Variants in SNX8 observed in about 807,000 individuals in gnomAD.
SNX8 encodes sorting nexin 8.
A neutral mutation model predicts 51.6 loss-of-function variants in SNX8; 25 were observed. The ratio of observed to expected loss-of-function variants is 0.48; its 90% CI spans 0.35 to 0.68. The LOEUF (loss-of-function observed/expected upper bound fraction) is 0.68. SNX8 is among the 30% of genes least tolerant of loss of function. The pLI, the probability that SNX8 is intolerant of heterozygous loss-of-function variation, is 0.00. For synonymous variants in SNX8, 324 were observed against 277.0 expected (o/e 1.17, Z -1.68); for missense variants, 695 against 624.0 (o/e 1.11, Z -1.21).
rs180940814 is a variant in SNX8, at chr7:2,264,079, T to G, written c.782+219A>C. Reference sequence around the variant, plus strand: ...CTACCAGACTAGAAACTGGTGAGCATTTACTCGTGCTCAGAAATCCGTGTT... The same window carrying G: ...CTACCAGACTAGAAACTGGTGAGCAGTTACTCGTGCTCAGAAATCCGTGTT... On this transcript the variant is annotated intron_variant, in intron 6 of 10. Transcript: ENST00000222990. 2.2e-3 allele frequency among the ~76,000 whole-genome samples: 330 copies of G among 152,184 alleles called. 3 individuals carry two copies. The highest frequency in any genetic ancestry group is 7.2e-3 in the African/African-American group (298 of 41,534).
chr7:2,255,282 C>T (rs994020142), intron 10 of SNX8, 113 bp from the exon 11 acceptor site: 3 of 668,576 alleles, frequency 4.5e-6, no homozygotes, highest in African/African-American at 3.6e-5. Flanking sequence ...CCCTCAGGTG[C>T]GCCAGCTCCT....
intron 1 of SNX8, among the ~76,000 whole-genome samples, chr7:2,309,607 T>C (rs1010494151): frequency 6.6e-6 from 1 of 152,094 alleles, no homozygotes; most frequent in Non-Finnish European, 1.5e-5. Flanking sequence ...GACGCATGCC[T>C]GTAATCCCAG....
chr7:2,332,770 G>A (rs186977088), intron 1 of SNX8, among the ~76,000 whole-genome samples: 3 of 144,176 alleles, frequency 2.1e-5, no homozygotes, highest in African/African-American at 7.7e-5. Flanking sequence ...AAGGAAGGAA[G>A]GAGGGAAGGA....
chr7:2,325,114 G>A (rs931497628), intron 1 of SNX8, among the ~76,000 whole-genome samples: 3 of 152,192 alleles, frequency 2.0e-5, no homozygotes, highest in African/African-American at 7.2e-5. Context: ...TTACAGGCAT[G>A]AGCCACCATG....
At chr7:2,264,735 T>A (rs1043899780) in intron 5 of SNX8, among the ~76,000 whole-genome samples, 9 of 152,054 alleles carry the variant, frequency 5.9e-5, no homozygotes, top group Non-Finnish European at 1.3e-4. Flanking sequence ...GGAGGACCTA[T>A]CCAAAAACAC....
At chr7:2,327,325 C>T (rs1778639862) in intron 1 of SNX8, among the ~76,000 whole-genome samples, 1 of 152,026 alleles carries the variant, frequency 6.6e-6, no homozygotes, top group South Asian at 2.1e-4. Context: ...CTGCAAGCTC[C>T]GCATCCTGGG....
rs995911495 is a variant in SNX8, at chr7:2,252,008, C to G, written c.*3048G>C. ...CCTAAACCTGTCTCCCCTGCCTGCA[C>G]TGTGTCCGGCAGACAAAGGGCAGCT... On this transcript the variant is annotated 3_prime_UTR_variant, in exon 11 of 11. Coordinates refer to ENST00000222990, the MANE Select transcript of SNX8 (RefSeq NM_013321.4). 4.6e-5 allele frequency: 7 copies of G among 152,268 alleles called. No individual in the cohort carries two copies. In the East Asian group the frequency reaches 1.4e-3, roughly 29 times the overall value. The allele number at this position is 152,268 out of a possible 1,614,324, so 9.4% of individuals were successfully genotyped here. A position where few individuals can be genotyped will look rare whatever the true frequency, so the allele number is the denominator to read the frequency against.
At chr7:2,275,059 C>G in intron 3 of SNX8, 53 bp downstream of exon 3, 2 of 1,241,598 alleles carry the variant, frequency 1.6e-6, no homozygotes, top group South Asian at 2.4e-5. Context: ...CCACAGGGTC[C>G]AGGAGATGGG....
chr7:2,273,276 CCT>C (rs1027925526), intron 3 of SNX8, among the ~76,000 whole-genome samples: 3 of 151,700 alleles, frequency 2.0e-5, no homozygotes, highest in Admixed American at 6.6e-5. Flanking sequence ...GTAGCGAAAC[CCT>C]GTCTCTGAAA....
chr7:2,350,228 G>C (rs983939421), intron 1 of SNX8, among the ~76,000 whole-genome samples: 1 of 152,106 alleles, frequency 6.6e-6, no homozygotes, highest in East Asian at 1.9e-4. Context: ...CCAAGCCTGC[G>C]AGGTAAGAAA....
rs554812579 is a variant in SNX8 at position 2,271,798 on chromosome 7, G to C, written c.540+52C>G. 5.5e-5 allele frequency: 85 copies of C among 1,553,884 alleles called. 1 individual carries two copies. The South Asian group carries it at 9.9e-4, about 18-fold the overall frequency. ...CCTGAGAGAGGAAAAGGCGGGTCCG[G>C]AGGCTCGGGGACTCCCCGGGGCCGG... On this transcript the variant is annotated intron_variant, in intron 4 of 10. Coordinates refer to ENST00000222990, the MANE Select transcript of SNX8 (RefSeq NM_013321.4).
intron 6 of SNX8, among the ~76,000 whole-genome samples, chr7:2,264,012 C>T (rs1020286816): frequency 6.6e-6 from 1 of 152,116 alleles, no homozygotes; most frequent in Non-Finnish European, 1.5e-5. Context: ...CCACGCCTGG[C>T]CTGGGATCTT....
chr7:2,257,922 C>A, intron 7 of SNX8, 119 bp from the exon 8 acceptor site: 2 of 904,996 alleles, frequency 2.2e-6, no homozygotes, highest in East Asian at 2.4e-5. Flanking sequence ...GACGGGCTCC[C>A]CAGGACCACC....
intron 1 of SNX8, among the ~76,000 whole-genome samples, chr7:2,294,511 G>A (rs1022584499): frequency 6.6e-6 from 1 of 152,186 alleles, no homozygotes; most frequent in South Asian, 2.1e-4. Context: ...TACAGATGCA[G>A]AAATTGGAGG....
chr7:2,337,766 T>C (rs188608269), intron 1 of SNX8, among the ~76,000 whole-genome samples: 2,418 of 131,058 alleles, frequency 0.018, 35 homozygotes, highest in Non-Finnish European at 0.031. Context: ...TTTATTACAT[T>C]AAAAAAAAAA....
In SNX8 at chr7:2,278,097, T is replaced by C. The variant is rs1220886073; in HGVS notation, c.300+3A>G. On this transcript the variant is annotated splice_donor_region_variant and intron_variant, in intron 2 of 10. Transcript: ENST00000222990. ...CCCGACACACACACAATTTGCCAGT[T>C]ACCTGGCTGGAAACCTCATACTCCA... 2 of 1,612,174 alleles carry C rather than the reference T, an allele frequency of 1.2e-6. No homozygotes were observed. The highest frequency in any genetic ancestry group is 1.7e-6 in the Non-Finnish European group (2 of 1,178,608).
chr7:2,304,623 G>C (rs1314258385), intron 1 of SNX8, among the ~76,000 whole-genome samples: 1 of 152,098 alleles, frequency 6.6e-6, no homozygotes, highest in Non-Finnish European at 1.5e-5. Flanking sequence ...CCACCTTGGA[G>C]GGAAGCACGC....
intron 1 of SNX8, among the ~76,000 whole-genome samples, chr7:2,310,210 C>T (rs1796633838): frequency 6.6e-6 from 1 of 152,126 alleles, no homozygotes; most frequent in Non-Finnish European, 1.5e-5. Context: ...GCCGTTCTCG[C>T]TGGATGTCAC....
At chr7:2,299,476 T>G (rs2115181898) in intron 1 of SNX8, 1 of 152,226 alleles carries the variant, frequency 6.6e-6, no homozygotes, top group African/African-American at 2.4e-5. Context: ...TTCAGCTCAT[T>G]CCTCAAAACA....
Sources: allele counts gnomAD v4.1 joint callset (sites outside exome capture counted in the v4.1 genomes callset), GRCh38; gene constraint gnomAD v4.1.1; transcripts MANE v1.5; gene names NCBI Gene and HGNC (gene_info 2026-07-23, HGNC 2026-07-21).